Variants in KIF14 observed in about 807,000 individuals in gnomAD.
The protein encoded by KIF14 is kinesin family member 14.
In KIF14, 98 loss-of-function variants were observed where a neutral mutation model predicts 176.2. The observed-to-expected ratio is 0.56, with a 90% CI of 0.47 to 0.66. The LOEUF is 0.66. Among genes scored for constraint, KIF14 ranks in the 30% least tolerant of loss-of-function variants. The pLI is 0.00. For missense variants in KIF14, 1,751 were observed against 1,920.4 expected, an observed-to-expected ratio of 0.91 and a Z score of 1.65; for synonymous variants, 566 against 632.2, an observed-to-expected ratio of 0.90 and a Z score of 1.57.
chr1:200,614,497 C>G, intron 3 of KIF14, 92 bp from the exon 4 acceptor site: 2 of 702,168 alleles, frequency 2.8e-6, no homozygotes. Context: ...GAGTAGGAAG[C>G]AAGTTCACTG....
intron 3 of KIF14, among the ~76,000 whole-genome samples, chr1:200,614,790 CAAAAAAAAAAAAAAAAAA>C (rs67447333): frequency 1.3e-5 from 1 of 74,862 alleles, no homozygotes; most frequent in South Asian, 6.6e-4. Flanking sequence ...AACCTTGCTA[CAAAAAAAAAAAAAAAAAA>C]AAAAAAAAAA....
intron 27 of KIF14, among the ~76,000 whole-genome samples, chr1:200,557,789 G>A (rs1656913859): frequency 6.6e-6 from 1 of 152,048 alleles, no homozygotes; most frequent in African/African-American, 2.4e-5. Flanking sequence ...ACCACCCAGA[G>A]GGACAGAAGC....
intron 4 of KIF14, among the ~76,000 whole-genome samples, chr1:200,612,881 C>CTTTTTTTTTTTT: frequency 1.3e-5 from 1 of 79,096 alleles, no homozygotes. Flanking sequence ...AGTTTATTCT[C>CTTTTTTTTTTTT]TTTTTTTTTT....
At position 200,565,226 on chromosome 1, in the gene KIF14, G is replaced by A. The variant is rs1374289676; in HGVS notation, c.3914C>T (p.Ser1305Leu). 1.9e-6 allele frequency: 3 copies of A among 1,605,582 alleles called. No homozygotes were observed. The highest frequency in any genetic ancestry group is 2.5e-6 in the Non-Finnish European group (3 of 1,177,986). The change falls in exon 25 of 30, where the codon TCA becomes TTA. Residue 1305 changes from serine (S) to leucine (L), a missense_variant. Ser to Leu is a moderately radical substitution (Grantham distance 145, BLOSUM62 -2). Coordinates refer to ENST00000367350, the MANE Select transcript of KIF14 (RefSeq NM_014875.3). Reference protein sequence around the residue: ...NLFSSDRAIQSLTIQTACAFE... With the variant: ...NLFSSDRAIQLLTIQTACAFE... Reference sequence around the variant, plus strand: ...AGCACATGCAGTCTGAATAGTAAGTGACTGGATTGCTCGATCAGAAGAAAA... The same window carrying A: ...AGCACATGCAGTCTGAATAGTAAGTAACTGGATTGCTCGATCAGAAGAAAA...
rs184054400 is a variant in KIF14 at position 200,552,204 on chromosome 1, T to A, written c.*1184A>T. On this transcript the variant is annotated 3_prime_UTR_variant, in exon 30 of 30. Coordinates refer to ENST00000367350, the MANE Select transcript of KIF14 (RefSeq NM_014875.3). ...AAATGAATTATTCTTTAGGAACTGC[T>A]CAATATCACCCAAGCATAGTTACAA... is the stretch of plus-strand genomic sequence containing the variant. 3.5e-4 allele frequency: 54 copies of A among 152,174 alleles called. No individual in the cohort carries two copies. The highest frequency in any genetic ancestry group is 3.4e-3 in the Middle Eastern group (1 of 294). The allele number at this position is 152,174 out of a possible 1,614,324, so 9.4% of individuals were successfully genotyped here.
Position 200,593,788 on chromosome 1 carries a change from C to T in KIF14, c.2550-19G>A, listed in dbSNP as rs773662594. ...GATAGTACTGTTAAAATAAGAAGCACATAGTTAACAATTATAGAACACACT... is the reference window on the plus strand; with the variant it reads ...GATAGTACTGTTAAAATAAGAAGCATATAGTTAACAATTATAGAACACACT... On this transcript the variant is annotated intron_variant, in intron 14 of 29. Transcript: ENST00000367350. 1.4e-6 allele frequency: 2 copies of T among 1,402,184 alleles called. No individual in the cohort carries two copies. The highest frequency in any genetic ancestry group is 2.3e-5 in the South Asian group (2 of 86,604). The allele number at this position is 1,402,184 out of a possible 1,614,324, so 86.9% of individuals were successfully genotyped here. A position where few individuals can be genotyped will look rare whatever the true frequency, so the allele number is the denominator to read the frequency against.
intron 23 of KIF14, among the ~76,000 whole-genome samples, chr1:200,566,359 G>A (rs1171180543): frequency 1.3e-5 from 2 of 151,256 alleles, no homozygotes; most frequent in South Asian, 4.2e-4. Flanking sequence ...TTGGGAGGCC[G>A]AGGCAGGCAG....
At chr1:200,601,846 T>C in intron 11 of KIF14, 50 bp downstream of exon 11, 1 of 1,407,494 alleles carries the variant, frequency 7.1e-7, no homozygotes, top group Non-Finnish European at 9.9e-7. Flanking sequence ...AACTAATATC[T>C]GGGACTAAAC....
At chr1:200,595,779 T>C (rs1468494605) in intron 14 of KIF14, among the ~76,000 whole-genome samples, 1 of 150,474 alleles carries the variant, frequency 6.6e-6, no homozygotes, top group Non-Finnish European at 1.5e-5. Context: ...TGAAATCGTC[T>C]CTACTAAAAA....
intron 22 of KIF14, among the ~76,000 whole-genome samples, chr1:200,570,882 AAG>A (rs1196145292): frequency 6.6e-6 from 1 of 152,138 alleles, no homozygotes; most frequent in Non-Finnish European, 1.5e-5. Context: ...GATGGTATTA[AAG>A]AGTTTTTCAA....
chr1:200,617,804 C>T lies in KIF14; in HGVS notation c.920G>A (p.Arg307Lys). 6.2e-7 allele frequency: 1 copy of T among 1,614,144 alleles called. No homozygotes were observed. The highest frequency in any genetic ancestry group is 8.5e-7 in the Non-Finnish European group (1 of 1,180,002). The stretch of plus-strand genomic sequence containing the variant: ...TTGTTTAACTTGAAGGTTAGACATT[C>T]TATTCTTCAGTATTGATGGAGCTGG... ...KSPAPSILKNRMSNLQVKQRP... is the reference protein window; with the variant it reads ...KSPAPSILKNKMSNLQVKQRP... Residue 307 changes from arginine to lysine, a missense_variant, in exon 2 of 30, where the codon AGA becomes AAA. Coordinates refer to ENST00000367350, the MANE Select transcript of KIF14 (RefSeq NM_014875.3).
rs1228103262 is a variant in KIF14 at position 200,559,467 on chromosome 1, T to C, written c.4231-15A>G. ...ATGAATTCCTCCTAGAAAAAGAATT[T>C]AAGCATTAACTAGAAAATTTAGGTT... On this transcript the variant is annotated splice_polypyrimidine_tract_variant and intron_variant, in intron 26 of 29. Transcript: ENST00000367350. The C allele has an allele frequency of 4.1e-6, 6 of 1,449,206 alleles. No individual in the cohort carries two copies. Among genetic ancestry groups the C allele is most frequent in the Non-Finnish European group, 5.5e-6 (6 of 1,093,592 alleles). The allele number at this position is 1,449,206 out of a possible 1,614,324, so 89.8% of individuals were successfully genotyped here.
At chr1:200,600,626 T>A in intron 11 of KIF14, 123 bp from the exon 12 acceptor site, 2 of 680,974 alleles carry the variant, frequency 2.9e-6, no homozygotes, top group South Asian at 4.1e-5. Flanking sequence ...CTAAATAAAA[T>A]AGAATATTGG....
chr1:200,559,324 T>C lies in KIF14; in HGVS notation c.4353+6A>G. ...ACTGTACAGAATATTCTTTTATTCA[T>C]CTTACCTCATTTTTTGTACACTGCC... On this transcript the variant is annotated splice_donor_region_variant and intron_variant, in intron 27 of 29. Transcript: ENST00000367350. The C allele has an allele frequency of 6.5e-7, 1 of 1,548,290 alleles. No homozygotes were observed. The highest frequency in any genetic ancestry group is 1.3e-5 in the South Asian group (1 of 79,210).
At position 200,581,104 on chromosome 1, in the gene KIF14, A is replaced by G. The variant is rs956928968; in HGVS notation, c.3335+97T>C. 6 of 548,602 alleles carry G rather than the reference A, an allele frequency of 1.1e-5. No homozygotes were observed. The African/African-American group carries it at 1.9e-4, about 17-fold the overall frequency. The allele number at this position is 548,602 out of a possible 1,614,324, so 34.0% of individuals were successfully genotyped here. ...ACTCCAGCCTGGGCAACAGAGCAAG[A>G]CTCTGTCTCAGAAAAAAAAAAAAAA... On this transcript the variant is annotated intron_variant, in intron 20 of 29. Transcript: ENST00000367350.
intron 23 of KIF14, among the ~76,000 whole-genome samples, chr1:200,567,321 C>T (rs1039279168): frequency 1.3e-5 from 2 of 151,902 alleles, no homozygotes; most frequent in Admixed American, 1.3e-4. Context: ...GCAGGTGGAT[C>T]ACGAGGTCAG....
intron 4 of KIF14, among the ~76,000 whole-genome samples, chr1:200,612,141 T>C (rs1157576245): frequency 6.6e-6 from 1 of 152,070 alleles, no homozygotes; most frequent in Non-Finnish European, 1.5e-5. Context: ...TAGCTAGGAT[T>C]ACAGGCGCCC....
chr1:200,601,821 A>G, intron 11 of KIF14, 75 bp downstream of exon 11: 2 of 1,128,402 alleles, frequency 1.8e-6, no homozygotes, highest in Non-Finnish European at 1.3e-6. Context: ...CATAAATTAC[A>G]TATTTTAAGA....
In KIF14 at chr1:200,582,427, C is replaced by A. The variant is rs537360189; in HGVS notation, c.3242-1133G>T. 1.3e-4 allele frequency among the ~76,000 whole-genome samples: 20 copies of A among 152,000 alleles called. 1 individual carries two copies. In the South Asian group the frequency reaches 4.0e-3, roughly 30 times the overall value. On this transcript the variant is annotated intron_variant, in intron 19 of 29. Transcript: ENST00000367350. ...CTATATTGTTCAGACAAACTTATAA[C>A]CAGTAATCTACTAAAAATAGCTTTT...
Sources: gnomAD v4.1 joint callset for allele counts (sites outside exome capture counted in the v4.1 genomes callset) on GRCh38, gnomAD v4.1.1 for gene constraint, MANE v1.5 for transcripts, NCBI Gene and HGNC (gene_info 2026-07-23, HGNC 2026-07-21) for gene names.